The following INSYN2A variants were observed in gnomAD, a reference collection of about 807,000 sequenced individuals.
The protein encoded by INSYN2A is inhibitory synaptic factor 2A, also known as family with sequence similarity 196 member A.
In INSYN2A, 17 loss-of-function variants were observed where a neutral mutation model predicts 39.4. The observed-to-expected ratio is 0.43, with a 90% CI of 0.30 to 0.65. INSYN2A has a LOEUF of 0.65. INSYN2A is among the 30% of genes least tolerant of loss of function. The pLI, the probability that INSYN2A is intolerant of heterozygous loss-of-function variation, is 0.14. For missense variants in INSYN2A, 595 were observed against 631.2 expected, an observed-to-expected ratio of 0.94 and a Z score of 0.61; for synonymous variants, 255 against 265.7, an observed-to-expected ratio of 0.96 and a Z score of 0.39.
chr10:127,173,945 CACCAAGCTGGAGCA>C (rs2054823869), intron 4 of INSYN2A, among the ~76,000 whole-genome samples: 1 of 152,218 alleles, frequency 6.6e-6, no homozygotes, highest in African/African-American at 2.4e-5. Flanking sequence ...AGGCCTCCTG[CACCAAGCTGGAGCA>C]GCCAGAGCCC....
intron 4 of INSYN2A, among the ~76,000 whole-genome samples, chr10:127,155,951 C>T (rs1272333751): frequency 6.6e-6 from 1 of 152,154 alleles, no homozygotes; most frequent in Non-Finnish European, 1.5e-5. Flanking sequence ...TTGTGTTGTG[C>T]TAGTGGGTAT....
intron 2 of INSYN2A, among the ~76,000 whole-genome samples, chr10:127,192,383 A>G (rs1212183744): frequency 6.6e-6 from 1 of 152,242 alleles, no homozygotes; most frequent in Non-Finnish European, 1.5e-5. Flanking sequence ...GCTGTTCTAC[A>G]TTCAAGTTAA....
At chr10:127,146,487 A>G (rs1259292452) in intron 5 of INSYN2A, among the ~76,000 whole-genome samples, 1 of 152,232 alleles carries the variant, frequency 6.6e-6, no homozygotes, top group Non-Finnish European at 1.5e-5. Flanking sequence ...GGAATTTTCA[A>G]GAAGAATTTA....
Position 127,137,601 on chromosome 10 carries a change from A to G in INSYN2A, c.*236T>C. 1 of 421,828 alleles carries G rather than the reference A, an allele frequency of 2.4e-6. No individual in the cohort carries two copies. Among genetic ancestry groups the G allele is most frequent in the Non-Finnish European group, 4.2e-6 (1 of 239,040 alleles). The allele number at this position is 421,828 out of a possible 1,614,324, so 26.1% of individuals were successfully genotyped here. A position where few individuals can be genotyped will look rare whatever the true frequency, so the allele number is the denominator to read the frequency against. ...TCTTTGACTACGTAAGTTTCATTTC[A>G]GATTTTACATCCCACATCAGTGAAC... On this transcript the variant is annotated 3_prime_UTR_variant, in exon 6 of 6. Transcript: ENST00000522781.
chr10:127,155,888 G>A lies in INSYN2A; in HGVS notation c.1185-1965C>T, dbSNP rs540474548. Among the ~76,000 whole-genome samples, 5 of 152,314 alleles carry A rather than the reference G, an allele frequency of 3.3e-5. No individual in the cohort carries two copies. The South Asian group carries it at 1.0e-3, about 32-fold the overall frequency. On this transcript the variant is annotated intron_variant, in intron 4 of 5. Transcript: ENST00000522781. ...TGCTGGCAATGGCACGGTCCACGCTGAATGTGTTGTTAAACTGTTGGCTTG... is the reference window on the plus strand; with the variant it reads ...TGCTGGCAATGGCACGGTCCACGCTAAATGTGTTGTTAAACTGTTGGCTTG...
chr10:127,181,196 G>A lies in INSYN2A; in HGVS notation c.-268-4057C>T, dbSNP rs138798025. On this transcript the variant is annotated intron_variant, in intron 2 of 5. Coordinates refer to ENST00000522781, the MANE Select transcript of INSYN2A (RefSeq NM_001039762.3). The stretch of plus-strand genomic sequence containing the variant: ...TATGTATATATGCATAGGTATATAC[G>A]TGCCTGCGTATGTATTTGGCTATGT... Among the ~76,000 whole-genome samples, 22 of 152,350 alleles carry A rather than the reference G, an allele frequency of 1.4e-4. 1 individual carries two copies. The East Asian group carries it at 4.2e-3, about 29-fold the overall frequency.
At chr10:127,180,598 C>T (rs956800436) in intron 2 of INSYN2A, among the ~76,000 whole-genome samples, 1 of 152,274 alleles carries the variant, frequency 6.6e-6, no homozygotes, top group East Asian at 1.9e-4. Flanking sequence ...ATAAACCCTG[C>T]ATTTTTAGAT....
intron 5 of INSYN2A, among the ~76,000 whole-genome samples, chr10:127,142,971 A>G (rs2051413633): frequency 6.6e-6 from 1 of 152,094 alleles, no homozygotes; most frequent in Admixed American, 6.5e-5. Flanking sequence ...GCCTGCACCT[A>G]AGCTTTATTT....
chr10:127,156,796 A>G (rs1190880046), intron 4 of INSYN2A, among the ~76,000 whole-genome samples: 1 of 151,750 alleles, frequency 6.6e-6, no homozygotes, highest in African/African-American at 2.4e-5. Flanking sequence ...TTGAACTCCC[A>G]ACCTCAAGTG....
In INSYN2A at chr10:127,175,368, C is replaced by G; in HGVS notation, c.1028G>C (p.Gly343Ala). Residue 343 changes from glycine to alanine, a missense_variant, in exon 4 of 6, where the codon GGT (glycine) becomes GCT (alanine). Gly to Ala is a moderately conservative substitution (Grantham distance 60). Around this residue, in one of 2 missense-constraint regions of INSYN2A, gnomAD observed 478 missense variants for 467.4 expected, o/e 1.02. Coordinates refer to ENST00000522781, the MANE Select transcript of INSYN2A (RefSeq NM_001039762.3). This position sits in a 1 kb window ranked among gnomAD's most constrained non-coding sequence, Gnocchi z 6.3. ...NQPSPTAVAA[G>A]EECQRIVPHT... is the part of the protein sequence containing the mutation. ...AGGCACGATTCGTTGGCATTCTTCACCTGCAGCAACCGCTGTGGGACTAGG... is the reference window on the plus strand; with the variant it reads ...AGGCACGATTCGTTGGCATTCTTCAGCTGCAGCAACCGCTGTGGGACTAGG... 6.2e-7 allele frequency: 1 copy of G among 1,614,070 alleles called. No homozygotes were observed. The highest frequency in any genetic ancestry group is 8.5e-7 in the Non-Finnish European group (1 of 1,180,042).
intron 4 of INSYN2A, among the ~76,000 whole-genome samples, chr10:127,167,803 A>C (rs777791435): frequency 1.3e-5 from 2 of 151,706 alleles, no homozygotes. Context: ...CCATTTAGTG[A>C]TCCTCACCAC....
chr10:127,194,659 C>T (rs1468377135), intron 1 of INSYN2A, among the ~76,000 whole-genome samples: 1 of 152,190 alleles, frequency 6.6e-6, no homozygotes, highest in East Asian at 1.9e-4. Context: ...CGCAGTCACT[C>T]TGACAGTCCC....
intron 4 of INSYN2A, among the ~76,000 whole-genome samples, chr10:127,173,731 C>T (rs2054799039): frequency 6.6e-6 from 1 of 152,156 alleles, no homozygotes; most frequent in South Asian, 2.1e-4. Context: ...CAGTAAATCA[C>T]TGGTCTCCCC....
chr10:127,195,917 C>G (rs539353821), intron 1 of INSYN2A, 80 bp downstream of exon 1: 1 of 152,346 alleles, frequency 6.6e-6, no homozygotes, highest in Admixed American at 6.5e-5. Context: ...GGGTCGGCGC[C>G]CGTCCCAGCG....
At position 127,176,518 on chromosome 10, in the gene INSYN2A, G is replaced by A. The variant is rs553299904; in HGVS notation, c.-5-118C>T. ...CTGTTTCCTAATTATATTTAAGCAG[G>A]TGAGGTCGGCCTTTATGTTAAGGAA... On this transcript the variant is annotated intron_variant, in intron 3 of 5. Transcript: ENST00000522781. This position sits in a 1 kb window ranked among gnomAD's most constrained non-coding sequence, Gnocchi z 4.4. 1.1e-5 allele frequency: 9 copies of A among 830,118 alleles called. No individual in the cohort carries two copies. Among genetic ancestry groups the A allele is most frequent in the Non-Finnish European group, 1.7e-5 (9 of 538,466 alleles). 51.4% of individuals were successfully genotyped at this position (830,118 alleles called of 1,614,324 possible). A position where few individuals can be genotyped will look rare whatever the true frequency, so the allele number is the denominator to read the frequency against.
At chr10:127,171,853 G>A (rs930002770) in intron 4 of INSYN2A, among the ~76,000 whole-genome samples, 5 of 151,988 alleles carry the variant, frequency 3.3e-5, no homozygotes, top group Admixed American at 6.6e-5. Flanking sequence ...ACAGGTGCCC[G>A]CCACCACGCC....
chr10:127,186,504 A>ACCCCCCCCCCCC (rs1216809857), intron 2 of INSYN2A, among the ~76,000 whole-genome samples: 1 of 9,000 alleles, frequency 1.1e-4, no homozygotes, highest in African/African-American at 3.5e-4. Context: ...CATGGGAGAA[A>ACCCCCCCCCCCC]CCGCCCCCCC....
chr10:127,174,906 T>C (rs931186433), intron 4 of INSYN2A, among the ~76,000 whole-genome samples: 2 of 152,318 alleles, frequency 1.3e-5, no homozygotes, highest in Admixed American at 6.5e-5. Flanking sequence ...ACATTATCAA[T>C]ATCATAAACC....
At position 127,175,496 on chromosome 10, in the gene INSYN2A, GGGCGCCT is replaced by G. The variant is rs1342273839; in HGVS notation, c.893_899del (p.Gln298ProfsTer65). 6.2e-7 allele frequency: 1 copy of G among 1,608,800 alleles called. No individual in the cohort carries two copies. The highest frequency in any genetic ancestry group is 8.5e-7 in the Non-Finnish European group (1 of 1,179,980). On this transcript the variant is annotated frameshift_variant, in exon 4 of 6. Coordinates refer to ENST00000522781, the MANE Select transcript of INSYN2A (RefSeq NM_001039762.3). LOFTEE classifies it high-confidence loss of function. The surrounding 1 kb of genome is among the most constrained non-coding windows in gnomAD (Gnocchi z 6.3). Reference sequence around the variant, plus strand: ...GTGAGCAGGCCAGGGCAGTTTCCGAGGGCGCCTGGAGCCCGTTGAGATGTGTGGCTCT... The same window carrying G: ...GTGAGCAGGCCAGGGCAGTTTCCGAGGGAGCCCGTTGAGATGTGTGGCTCT...
Sources: gnomAD v4.1 joint callset for allele counts (sites outside exome capture counted in the v4.1 genomes callset) on GRCh38, gnomAD v4.1.1 for gene constraint, gnomAD v4.1.1 regional missense constraint, Gnocchi (gnomAD v3.1) non-coding constraint, MANE v1.5 for transcripts, NCBI Gene and HGNC (gene_info 2026-07-23, HGNC 2026-07-21) for gene names.